METTL15: variants seen among roughly 807,000 people sequenced by gnomAD.
The protein encoded by METTL15 is 12S rRNA N(4)-cytidine methyltransferase METTL15.
Under a neutral mutation model 38.3 loss-of-function variants are expected in METTL15, and 34 were observed. The observed-to-expected ratio is 0.89, with a 90% CI of 0.68 to 1.18. The LOEUF is 1.18. Ranked by LOEUF, METTL15 falls within the 50% of genes most tolerant of loss-of-function variation. The pLI, the probability that METTL15 is intolerant of heterozygous loss-of-function variation, is 0.00. For missense variants in METTL15, 438 were observed against 498.4 expected, an observed-to-expected ratio of 0.88 and a Z score of 1.15; for synonymous variants, 162 against 170.9, an observed-to-expected ratio of 0.95 and a Z score of 0.41.
At chr11:28,310,351 TAC>T (rs111303962) in intron 6 of METTL15, among the ~76,000 whole-genome samples, 620 of 145,974 alleles carry the variant, frequency 4.2e-3, no homozygotes, top group Middle Eastern at 6.9e-3. Flanking sequence ...TGTTCAGAGG[TAC>T]ACACACACAC....
intron 4 of METTL15, among the ~76,000 whole-genome samples, chr11:28,240,109 C>T (rs1051976906): frequency 3.9e-5 from 6 of 152,190 alleles, no homozygotes; most frequent in African/African-American, 1.4e-4. Context: ...TGATCTATTG[C>T]ACTATAAATG....
chr11:28,530,121 A>G (rs1851836208), downstream of METTL15, among the ~76,000 whole-genome samples: 1 of 152,172 alleles, frequency 6.6e-6, no homozygotes, highest in African/African-American at 2.4e-5. Flanking sequence ...AAATGCTATC[A>G]TTAAGAAGGA....
intron 4 of METTL15, among the ~76,000 whole-genome samples, chr11:28,282,786 TGTAA>T (rs1260425504): frequency 1.3e-5 from 2 of 152,178 alleles, no homozygotes; most frequent in African/African-American, 4.8e-5. Flanking sequence ...CTTCCCAATG[TGTAA>T]GTGAGGCCAT....
At chr11:28,382,702 G>GTGC (rs1439338374) in intron 5 of METTL15, among the ~76,000 whole-genome samples, 2 of 151,982 alleles carry the variant, frequency 1.3e-5, no homozygotes, top group East Asian at 3.9e-4. Context: ...AGGCATGGAG[G>GTGC]TGCATGCCTG....
At chr11:28,460,356 C>A (rs1389474622) in intron 6 of METTL15, among the ~76,000 whole-genome samples, 3 of 152,064 alleles carry the variant, frequency 2.0e-5, no homozygotes, top group African/African-American at 7.2e-5. Flanking sequence ...ATTGTTACAG[C>A]TTGACAGGAC....
chr11:28,296,882 C>T lies in METTL15; in HGVS notation c.729C>T (p.Arg243=), dbSNP rs1348591452. The change falls in exon 6 of 7, where the codon CGC becomes CGT. Residue 243 remains arginine (R), a synonymous_variant. Coordinates refer to ENST00000407364, the MANE Select transcript of METTL15 (RefSeq NM_001113528.2). ...TCGCTTCAGCAATTGTTCAGGCACG[C>T]AGCATCTACCCCATCACCAGAACCC... ...KKIASAIVQA[R]SIYPITRTQQ... 2.5e-6 allele frequency: 4 copies of T among 1,613,590 alleles called. No homozygotes were observed. Among genetic ancestry groups the T allele is most frequent in the Non-Finnish European group, 3.4e-6 (4 of 1,179,692 alleles).
chr11:28,202,959 A>G (rs990847401), intron 3 of METTL15, among the ~76,000 whole-genome samples: 3 of 139,570 alleles, frequency 2.1e-5, no homozygotes, highest in Non-Finnish European at 4.8e-5. Context: ...GAAAATTTCA[A>G]TGATTAGAAT....
At chr11:28,298,077 A>G (rs1856799400) in intron 6 of METTL15, among the ~76,000 whole-genome samples, 1 of 152,124 alleles carries the variant, frequency 6.6e-6, no homozygotes, top group Non-Finnish European at 1.5e-5. Context: ...CTTTGAACTT[A>G]CCATTGAGAT....
At chr11:28,480,650 C>T (rs532693692) in intron 6 of METTL15, among the ~76,000 whole-genome samples, 2 of 152,270 alleles carry the variant, frequency 1.3e-5, no homozygotes, top group East Asian at 1.9e-4. Flanking sequence ...TAGAGAACTA[C>T]TGTCAGGGGT....
intron 4 of METTL15, among the ~76,000 whole-genome samples, chr11:28,260,202 A>G (rs927250074): frequency 2.6e-5 from 4 of 152,124 alleles, no homozygotes; most frequent in African/African-American, 7.2e-5. Flanking sequence ...TTTCATTTCC[A>G]TATCAGGCAC....
chr11:28,264,077 G>A lies in METTL15; in HGVS notation c.408-26129G>A, dbSNP rs1436333645. 2.0e-5 allele frequency among the ~76,000 whole-genome samples: 3 copies of A among 152,108 alleles called. No individual in the cohort carries two copies. In the South Asian group the frequency reaches 6.2e-4, roughly 32 times the overall value. Reference sequence around the variant, plus strand: ...AAAATTTAGGCCTACACAGTTTTATGCCTGTCACACAGCTTGTTGATTCTC... The same window carrying A: ...AAAATTTAGGCCTACACAGTTTTATACCTGTCACACAGCTTGTTGATTCTC... On this transcript the variant is annotated intron_variant, in intron 4 of 6. Coordinates refer to ENST00000407364, the MANE Select transcript of METTL15 (RefSeq NM_001113528.2).
chr11:28,219,187 C>A (rs986951930), intron 4 of METTL15, among the ~76,000 whole-genome samples: 1 of 152,178 alleles, frequency 6.6e-6, no homozygotes, highest in South Asian at 2.1e-4. Flanking sequence ...TCTGTCTGGT[C>A]CTGGACTTTT....
At chr11:28,381,123 C>T (rs1052823156) in intron 5 of METTL15, among the ~76,000 whole-genome samples, 2 of 152,102 alleles carry the variant, frequency 1.3e-5, no homozygotes, top group African/African-American at 2.4e-5. Context: ...CTTCCTCAGC[C>T]TCCCAAGTAG....
chr11:28,123,781 T>G, intron 3 of METTL15: 4 of 1,007,180 alleles, frequency 4.0e-6, no homozygotes, highest in Non-Finnish European at 5.6e-6. Flanking sequence ...CTGTGTCATC[T>G]GTAATAGGTT....
At chr11:28,247,648 G>T (rs944757173) in intron 4 of METTL15, among the ~76,000 whole-genome samples, 1 of 152,056 alleles carries the variant, frequency 6.6e-6, no homozygotes, top group Non-Finnish European at 1.5e-5. Flanking sequence ...AGCTTCTTGT[G>T]GGGAATGAAA....
At chr11:28,130,864 A>T (rs533407759) in intron 3 of METTL15, among the ~76,000 whole-genome samples, 2 of 152,322 alleles carry the variant, frequency 1.3e-5, no homozygotes, top group African/African-American at 4.8e-5. Flanking sequence ...TATTAATTAA[A>T]TCCTTATAAA....
chr11:28,491,056 G>A lies in METTL15; in HGVS notation c.*425-35422G>A, dbSNP rs1038757276. 9.9e-5 allele frequency among the ~76,000 whole-genome samples: 15 copies of A among 152,118 alleles called. No individual in the cohort carries two copies. The East Asian group carries it at 2.9e-3, about 29-fold the overall frequency. On this transcript the variant is annotated intron_variant and NMD_transcript_variant, in intron 6 of 7. Transcript: ENST00000532947. ...ACATTAAATCTTGGCATCCCTAAAAGGGAAATTGAAGAGCTTTGTGGACTT... is the reference window on the plus strand; with the variant it reads ...ACATTAAATCTTGGCATCCCTAAAAAGGAAATTGAAGAGCTTTGTGGACTT...
intron 3 of METTL15, among the ~76,000 whole-genome samples, chr11:28,351,840 C>G (rs1348208307): frequency 6.6e-6 from 1 of 152,122 alleles, no homozygotes; most frequent in African/African-American, 2.4e-5. Flanking sequence ...GGCGTTAAAG[C>G]CAAAGGTTGC....
intron 4 of METTL15, among the ~76,000 whole-genome samples, chr11:28,237,876 CCT>C (rs1565192386): frequency 6.6e-6 from 1 of 152,146 alleles, no homozygotes; most frequent in African/African-American, 2.4e-5. Context: ...CACTCCAGAC[CCT>C]GTTTGCCTGG....
Sources: allele counts gnomAD v4.1 joint callset (sites outside exome capture counted in the v4.1 genomes callset), GRCh38; gene constraint gnomAD v4.1.1; transcripts MANE v1.5; gene names NCBI Gene and HGNC (gene_info 2026-07-23, HGNC 2026-07-21).